KCNJ1: variants seen among roughly 807,000 people sequenced by gnomAD.
KCNJ1 encodes ATP-sensitive inward rectifier potassium channel 1.
KCNJ1 carries 24 observed loss-of-function variants against 21.9 expected under a neutral mutation model. That is an observed-to-expected ratio of 1.10 (90% confidence interval 0.79 to 1.54). The LOEUF is 1.54. Ranked by LOEUF, KCNJ1 falls within the 40% of genes most tolerant of loss-of-function variation. The pLI, the probability that KCNJ1 is intolerant of heterozygous loss-of-function variation, is 0.00. For synonymous variants in KCNJ1, 152 were observed against 160.9 expected (o/e 0.94, Z 0.42); for missense variants, 457 against 455.4 (o/e 1.00, Z -0.03).
intron 1 of KCNJ1, among the ~76,000 whole-genome samples, chr11:128,852,047 T>C (rs960621983): frequency 2.6e-5 from 4 of 152,232 alleles, no homozygotes; most frequent in African/African-American, 9.6e-5. Context: ...GTTTCCAGTG[T>C]TTGAATCTGA....
intron 1 of KCNJ1, among the ~76,000 whole-genome samples, chr11:128,859,836 A>T (rs1316070053): frequency 2.0e-5 from 3 of 152,236 alleles, no homozygotes. Flanking sequence ...AAAAGGAGCC[A>T]AATAAACAGA....
chr11:128,841,209 C>T (rs1203450034), intron 2 of KCNJ1, among the ~76,000 whole-genome samples: 1 of 152,182 alleles, frequency 6.6e-6, no homozygotes, highest in Non-Finnish European at 1.5e-5. Flanking sequence ...ACTTCCTTCC[C>T]TACTCCAAAG....
intron 2 of KCNJ1, among the ~76,000 whole-genome samples, chr11:128,844,967 T>C (rs1943354598): frequency 6.6e-6 from 1 of 152,148 alleles, no homozygotes. Context: ...GTAGGAAATA[T>C]GAGCTATGTG....
intron 2 of KCNJ1, among the ~76,000 whole-genome samples, chr11:128,844,448 T>C (rs1257871392): frequency 6.6e-6 from 1 of 152,250 alleles, no homozygotes; most frequent in Non-Finnish European, 1.5e-5. Flanking sequence ...AGAAATCTCA[T>C]TAAAATTCTA....
intron 1 of KCNJ1, among the ~76,000 whole-genome samples, chr11:128,859,428 T>C (rs1243903705): frequency 6.6e-6 from 1 of 152,062 alleles, no homozygotes; most frequent in Non-Finnish European, 1.5e-5. Context: ...AGTGTATTGA[T>C]TGTAGAGATG....
chr11:128,860,955 G>A (rs1943695437), intron 1 of KCNJ1, among the ~76,000 whole-genome samples: 1 of 152,228 alleles, frequency 6.6e-6, no homozygotes, highest in Admixed American at 6.5e-5. Flanking sequence ...TATGCACCAT[G>A]TAGAGGATTA....
chr11:128,860,827 G>C (rs1217957756), intron 1 of KCNJ1, among the ~76,000 whole-genome samples: 1 of 152,232 alleles, frequency 6.6e-6, no homozygotes, highest in African/African-American at 2.4e-5. Context: ...CCAATTACCA[G>C]CTATGTGACA....
chr11:128,843,487 A>G (rs974454541), intron 2 of KCNJ1, among the ~76,000 whole-genome samples: 6 of 152,326 alleles, frequency 3.9e-5, no homozygotes, highest in East Asian at 1.9e-4. Context: ...TGTTCTATAA[A>G]CAATCCATTC....
chr11:128,859,944 C>T (rs1296375624), intron 1 of KCNJ1, among the ~76,000 whole-genome samples: 2 of 152,238 alleles, frequency 1.3e-5, no homozygotes, highest in Non-Finnish European at 2.9e-5. Flanking sequence ...AGACGGCGGG[C>T]AGCAAAGCGC....
intron 1 of KCNJ1, among the ~76,000 whole-genome samples, chr11:128,861,180 C>G (rs1943700308): frequency 6.6e-6 from 1 of 152,230 alleles, no homozygotes; most frequent in South Asian, 2.1e-4. Context: ...GTCCCTGGGG[C>G]TCCCTAACCC....
At chr11:128,843,212 C>T (rs1360801431) in intron 2 of KCNJ1, among the ~76,000 whole-genome samples, 3 of 152,284 alleles carry the variant, frequency 2.0e-5, no homozygotes, top group Non-Finnish European at 4.4e-5. Context: ...TGCACAGATC[C>T]TACTTTTTTT....
rs117189807 is a variant in KCNJ1, at chr11:128,838,528, G to A, written c.*597C>T. On this transcript the variant is annotated 3_prime_UTR_variant, in exon 3 of 3. Transcript: ENST00000392666. Reference sequence around the variant, plus strand: ...CTAAAGCATTCTGTCTTGCAGGAAGGTATCATCAAGATTCTAGTGTGCAGA... The same window carrying A: ...CTAAAGCATTCTGTCTTGCAGGAAGATATCATCAAGATTCTAGTGTGCAGA... The A allele has an allele frequency of 0.015, 2,368 of 154,068 alleles. 26 individuals carry two copies. Among genetic ancestry groups the A allele is most frequent in the Middle Eastern group, 0.058 (17 of 294 alleles). The allele number at this position is 154,068 out of a possible 1,614,324, so 9.5% of individuals were successfully genotyped here.
Position 128,846,832 on chromosome 11 carries a change from G to A in KCNJ1, c.-22+3889C>T, listed in dbSNP as rs530298200. 2.2e-4 allele frequency among the ~76,000 whole-genome samples: 34 copies of A among 152,196 alleles called. No individual in the cohort carries two copies. In the South Asian group the frequency reaches 6.8e-3, roughly 31 times the overall value. ...TACCGGCGAGGTCTTGGTTCTCCTG[G>A]CACATGAGGCTGGGTCTTGCTCCTG... On this transcript the variant is annotated intron_variant, in intron 2 of 2. Transcript: ENST00000392666.
intron 1 of KCNJ1, among the ~76,000 whole-genome samples, chr11:128,862,565 C>T (rs1260789201): frequency 6.6e-6 from 1 of 152,208 alleles, no homozygotes; most frequent in Admixed American, 6.5e-5. Context: ...TAGGTTAGAA[C>T]GTGCTCATGC....
chr11:128,842,627 T>C, intron 2 of KCNJ1: 1 of 1,078,678 alleles, frequency 9.3e-7, no homozygotes, highest in Non-Finnish European at 1.3e-6. Flanking sequence ...TGAATAGGTA[T>C]TTTTTCTTTC....
In KCNJ1 at chr11:128,864,075, T is replaced by TC. The variant is rs72104969; in HGVS notation, c.-192+3097_-192+3098insG. ...TCTTTTTCTTTTTTCTTTTTCTCTC[T>TC]TTTTTTTTTTTTTTTTTTTTTTTTT... On this transcript the variant is annotated intron_variant, in intron 1 of 2. Coordinates refer to ENST00000392666, the MANE Select transcript of KCNJ1 (RefSeq NM_153766.3). Among the ~76,000 whole-genome samples, 11 of 49,060 alleles carry TC rather than the reference T, an allele frequency of 2.2e-4. No individual in the cohort carries two copies. The East Asian group carries it at 3.3e-3, about 15-fold the overall frequency. The allele number at this position is 49,060 out of a possible 152,430, so 32.2% of individuals were successfully genotyped here.
intron 1 of KCNJ1, among the ~76,000 whole-genome samples, chr11:128,860,914 C>T (rs754206983): frequency 1.3e-5 from 2 of 152,192 alleles, no homozygotes; most frequent in African/African-American, 2.4e-5. Context: ...CGGGGCCTGC[C>T]TGTAATACTT....
At chr11:128,850,615 G>T in intron 2 of KCNJ1, 106 bp downstream of exon 2, 1 of 364,588 alleles carries the variant, frequency 2.7e-6, no homozygotes, top group Non-Finnish European at 3.8e-6. Context: ...CAAATGACTA[G>T]GTCCCACAGC....
chr11:128,862,676 A>G lies in KCNJ1; in HGVS notation c.-192+4497T>C, dbSNP rs538792128. ...GCTTCTGCAGCATAGGGACTGTGTC[A>G]TCACACTTCACTAAGGCCAGCACAG... On this transcript the variant is annotated intron_variant, in intron 1 of 2. Transcript: ENST00000392666. Among the ~76,000 whole-genome samples, 2 of 152,312 alleles carry G rather than the reference A, an allele frequency of 1.3e-5. 1 individual carries two copies. Among genetic ancestry groups the G allele is most frequent in the East Asian group, 3.9e-4 (2 of 5,186 alleles).
Sources: allele counts gnomAD v4.1 joint callset (sites outside exome capture counted in the v4.1 genomes callset), GRCh38; gene constraint gnomAD v4.1.1; transcripts MANE v1.5; gene names NCBI Gene and HGNC (gene_info 2026-07-23, HGNC 2026-07-21).